The following GAS6 variants were observed in gnomAD, a reference collection of about 807,000 sequenced individuals.
GAS6 encodes growth arrest-specific protein 6.
A neutral mutation model predicts 75.8 loss-of-function variants in GAS6; 41 were observed. That is an observed-to-expected ratio of 0.54 (90% CI 0.42 to 0.70). The LOEUF (loss-of-function observed/expected upper bound fraction) is 0.70, where lower values mean the gene tolerates loss of function less well. Among genes scored for constraint, GAS6 ranks in the 30% least tolerant of loss-of-function variants. The pLI is 0.00. For synonymous variants in GAS6, 432 were observed against 412.6 expected (o/e 1.05, Z -0.57); for missense variants, 854 against 940.2 (o/e 0.91, Z 1.20).
In GAS6 at chr13:113,828,729, C is replaced by T; in HGVS notation, c.1144-18G>A. 1 of 1,610,460 alleles carries T rather than the reference C, an allele frequency of 6.2e-7. No individual in the cohort carries two copies. The highest frequency in any genetic ancestry group is 1.1e-5 in the South Asian group (1 of 90,780). ...ACAGAGATCTGAAGAGAGGCAGCGC[C>T]ATGAGAAAAGATGGGAGTGCACGTT... is the stretch of plus-strand genomic sequence containing the variant. On this transcript the variant is annotated intron_variant, in intron 10 of 14. Coordinates refer to ENST00000327773, the MANE Select transcript of GAS6 (RefSeq NM_000820.4).
chr13:113,839,708 T>A lies in GAS6; in HGVS notation c.466+20A>T, dbSNP rs1306357866. On this transcript the variant is annotated intron_variant, in intron 5 of 14. Transcript: ENST00000327773. ...TCGGAGATGGAGGGAGACCCCGCCT[T>A]TGTCTTCAGCCTCACGTACCTTTGT... The A allele has an allele frequency of 1.2e-6, 2 of 1,611,564 alleles. No homozygotes were observed. The highest frequency in any genetic ancestry group is 3.3e-5 in the Admixed American group (2 of 59,952).
At chr13:113,821,720 A>G (rs1458250869) in intron 14 of GAS6, 1 of 526,044 alleles carries the variant, frequency 1.9e-6, no homozygotes, top group Non-Finnish European at 3.3e-6. Context: ...GTGGGGCCTG[A>G]CTCAGGCCAA....
At chr13:113,846,156 T>C (rs115220039) in intron 4 of GAS6, among the ~76,000 whole-genome samples, 4,649 of 152,250 alleles carry the variant, frequency 0.031, 256 homozygotes, top group African/African-American at 0.11. Flanking sequence ...GGACAGACCG[T>C]GTGTGCTAAG....
intron 12 of GAS6, among the ~76,000 whole-genome samples, chr13:113,825,697 C>T (rs926538783): frequency 6.6e-6 from 1 of 152,234 alleles, no homozygotes; most frequent in Non-Finnish European, 1.5e-5. Context: ...TTATGATGCT[C>T]TAGATTTGGA....
intron 2 of GAS6, among the ~76,000 whole-genome samples, chr13:113,857,263 C>T (rs1310355799): frequency 2.0e-5 from 3 of 152,192 alleles, no homozygotes; most frequent in Non-Finnish European, 1.5e-5. Flanking sequence ...TTAATCAACA[C>T]CCGTCAGTCA....
At position 113,832,664 on chromosome 13, in the gene GAS6, C is replaced by G; in HGVS notation, c.923G>C (p.Arg308Pro). ...GRMFSGTPVI[R>P]LRFKRLQPTR... ...GGGCTGCAGCCTCTTGAAGCGCAGT[C>G]GGATCACGGGGGTCCCACTGAACAT... is the stretch of plus-strand genomic sequence containing the variant. Residue 308 changes from arginine to proline, a missense_variant, in exon 9 of 15, where the codon CGA becomes CCA. Transcript: ENST00000327773. The G allele has an allele frequency of 6.2e-7, 1 of 1,612,764 alleles. No homozygotes were observed. Among genetic ancestry groups the G allele is most frequent in the South Asian group, 1.1e-5 (1 of 91,084 alleles).
intron 13 of GAS6, 54 bp from the exon 14 acceptor site, chr13:113,822,240 T>C (rs1486225855): frequency 4.0e-5 from 56 of 1,389,736 alleles, no homozygotes; most frequent in Non-Finnish European, 5.1e-5. Context: ...ACGTGAGCTG[T>C]TAGGTCCAAG....
rs577609542 is a variant in GAS6 at position 113,852,883 on chromosome 13, G to T, written c.256-4833C>A. 2.8e-4 allele frequency among the ~76,000 whole-genome samples: 43 copies of T among 152,312 alleles called. 1 individual carries two copies. The South Asian group carries it at 8.9e-3, about 32-fold the overall frequency. ...CAAATGACCTTTAACCTGGTGACAG[G>T]CTTCCTCACCCAGAGCTGTGGTTCA... On this transcript the variant is annotated intron_variant, in intron 2 of 14. Coordinates refer to ENST00000327773, the MANE Select transcript of GAS6 (RefSeq NM_000820.4).
At chr13:113,825,887 C>G (rs775512472) in intron 12 of GAS6, among the ~76,000 whole-genome samples, 24 of 152,160 alleles carry the variant, frequency 1.6e-4, no homozygotes, top group Non-Finnish European at 2.9e-4. Flanking sequence ...CGCGTGGATC[C>G]CCTTGAACCT....
At position 113,832,382 on chromosome 13, in the gene GAS6, G is replaced by A. The variant is rs1375911203; in HGVS notation, c.1060C>T (p.Arg354Trp). ...TTGTAGCGCAGCTGCAGCTCCAGCCGGCCGGCTCTCAGGGCCAGCACGATC... is the reference window on the plus strand; with the variant it reads ...TTGTAGCGCAGCTGCAGCTCCAGCCAGCCGGCTCTCAGGGCCAGCACGATC... Reference protein sequence around the residue: ...TWIVLALRAGRLELQLRYNGV... With the variant: ...TWIVLALRAGWLELQLRYNGV... Residue 354 changes from arginine to tryptophan, a missense_variant, in exon 10 of 15, where the codon CGG (arginine) becomes TGG (tryptophan). Arg to Trp is a moderately radical substitution (Grantham distance 101). Transcript: ENST00000327773. The A allele has an allele frequency of 1.9e-6, 3 of 1,611,268 alleles. No individual in the cohort carries two copies. The highest frequency in any genetic ancestry group is 2.2e-5 in the East Asian group (1 of 44,888).
At position 113,863,703 on chromosome 13, in the gene GAS6, G is replaced by A. The variant is rs766471006; in HGVS notation, c.127C>T (p.Arg43Trp). ...LPAREATQFLRPRQRRAFQVF... is the reference protein window; with the variant it reads ...LPAREATQFLWPRQRRAFQVF... ...TGAAAGGCGCGGCGCTGCCTGGGCC[G>A]CAGGAACTGCGTGGCCTCGCGCGCC... The change falls in exon 2 of 15, where the codon CGG (arginine) becomes TGG (tryptophan). Residue 43 changes from arginine to tryptophan, a missense_variant. Physicochemically the swap from Arg to Trp is moderately radical, Grantham distance 101. Transcript: ENST00000327773. The surrounding 1 kb of genome is among the most constrained non-coding windows in gnomAD (Gnocchi z 9.4). The A allele has an allele frequency of 1.3e-6, 2 of 1,512,160 alleles. No individual in the cohort carries two copies. Among genetic ancestry groups the A allele is most frequent in the Admixed American group, 2.1e-5 (1 of 47,584 alleles). 93.7% of individuals were successfully genotyped at this position (1,512,160 alleles called of 1,614,324 possible).
At chr13:113,860,632 G>C (rs755229040) in intron 2 of GAS6, among the ~76,000 whole-genome samples, 1 of 152,214 alleles carries the variant, frequency 6.6e-6, no homozygotes, top group Non-Finnish European at 1.5e-5. Flanking sequence ...CCAGCAGGGA[G>C]AGGCAAGGCC....
intron 2 of GAS6, among the ~76,000 whole-genome samples, chr13:113,858,413 A>G (rs1216028760): frequency 6.9e-6 from 1 of 145,446 alleles, no homozygotes; most frequent in Non-Finnish European, 1.5e-5. Flanking sequence ...GTGTTTACAT[A>G]TGTCTATGTG....
intron 13 of GAS6, 79 bp from the exon 14 acceptor site, chr13:113,822,265 T>A: frequency 8.7e-7 from 1 of 1,147,266 alleles, no homozygotes; most frequent in Non-Finnish European, 1.2e-6. Context: ...TCCTCACAGC[T>A]GCTGGCCACC....
At chr13:113,854,515 C>G (rs561931187) in intron 2 of GAS6, among the ~76,000 whole-genome samples, 2 of 152,390 alleles carry the variant, frequency 1.3e-5, no homozygotes, top group East Asian at 3.9e-4. Context: ...GTCTCTGCCC[C>G]AAACACAGAG....
At chr13:113,857,292 T>C (rs1432443664) in intron 2 of GAS6, among the ~76,000 whole-genome samples, 1 of 152,204 alleles carries the variant, frequency 6.6e-6, no homozygotes, top group African/African-American at 2.4e-5. Context: ...AGTGCCTCTG[T>C]CAGAGTGAAA....
intron 3 of GAS6, among the ~76,000 whole-genome samples, chr13:113,847,324 G>T (rs560222681): frequency 7.8e-4 from 119 of 152,354 alleles, no homozygotes; most frequent in African/African-American, 2.6e-3. Flanking sequence ...TGGACCCAGG[G>T]AAGGACCCTT....
chr13:113,854,550 G>A (rs1454894305), intron 2 of GAS6, among the ~76,000 whole-genome samples: 1 of 152,242 alleles, frequency 6.6e-6, no homozygotes, highest in Non-Finnish European at 1.5e-5. Flanking sequence ...CCCCCAGCAG[G>A]GTGTCCTGTG....
intron 2 of GAS6, among the ~76,000 whole-genome samples, chr13:113,857,150 A>G (rs185575134): frequency 1.5e-3 from 230 of 152,358 alleles, no homozygotes; most frequent in African/African-American, 5.1e-3. Context: ...TAACACTGGA[A>G]GGAAAAAAAT....
Sources: gnomAD v4.1 joint callset for allele counts (sites outside exome capture counted in the v4.1 genomes callset) on GRCh38, gnomAD v4.1.1 for gene constraint, Gnocchi (gnomAD v3.1) non-coding constraint, MANE v1.5 for transcripts, NCBI Gene and HGNC (gene_info 2026-07-23, HGNC 2026-07-21) for gene names.